The following CHSY3 variants were observed in gnomAD, a reference collection of about 807,000 sequenced individuals.
CHSY3 encodes the protein chondroitin sulfate synthase 3, also known as N-acetylgalactosaminyl-proteoglycan 3-beta-glucuronosyltransferase 3.
CHSY3 carries 35 observed loss-of-function variants against 67.2 expected under a neutral mutation model. The ratio of observed to expected loss-of-function variants is 0.52; its 90% CI spans 0.40 to 0.69. The LOEUF (loss-of-function observed/expected upper bound fraction) is 0.69. Ranked by LOEUF, CHSY3 falls within the 30% of genes least tolerant of loss-of-function variation. The probability of loss-of-function intolerance (pLI) is 0.00; values close to 1 mark genes in which losing one functional copy is unlikely to be tolerated. For synonymous variants in CHSY3, 474 were observed against 434.7 expected, an observed-to-expected ratio of 1.09 and a Z score of -1.12; for missense variants, 1,069 against 1,138.5, an observed-to-expected ratio of 0.94 and a Z score of 0.88.
chr5:130,158,385 G>A (rs540516343), intron 2 of CHSY3, among the ~76,000 whole-genome samples: 10 of 152,150 alleles, frequency 6.6e-5, no homozygotes, highest in Admixed American at 2.0e-4. Context: ...GAAGAACAAT[G>A]GTAGAGGTGC....
intron 2 of CHSY3, among the ~76,000 whole-genome samples, chr5:130,122,164 T>C (rs1433078166): frequency 6.7e-6 from 1 of 149,310 alleles, no homozygotes; most frequent in Non-Finnish European, 1.5e-5. Context: ...AACAAATATA[T>C]ACATATATAC....
intron 2 of CHSY3, among the ~76,000 whole-genome samples, chr5:129,974,729 C>T (rs547609162): frequency 6.6e-6 from 1 of 152,180 alleles, no homozygotes; most frequent in African/African-American, 2.4e-5. Context: ...CAGCACAGCA[C>T]ATTGAAAATG....
chr5:130,010,982 A>G (rs186301695), intron 2 of CHSY3, among the ~76,000 whole-genome samples: 9 of 152,310 alleles, frequency 5.9e-5, no homozygotes, highest in Middle Eastern at 3.4e-3. Flanking sequence ...ATCAGTAACA[A>G]AACACCTACC....
chr5:129,904,782 T>TGCCGC lies in CHSY3; in HGVS notation c.-41_-37dup, dbSNP rs1211660831. The TGCCGC allele has an allele frequency of 5.3e-5, 70 of 1,311,578 alleles. No homozygotes were observed. Among genetic ancestry groups the TGCCGC allele is most frequent in the South Asian group, 4.6e-4 (21 of 45,894 alleles). 81.2% of individuals were successfully genotyped at this position (1,311,578 alleles called of 1,614,324 possible). A position where few individuals can be genotyped will look rare whatever the true frequency, so the allele number is the denominator to read the frequency against. On this transcript the variant is annotated 5_prime_UTR_variant, in exon 1 of 3. Transcript: ENST00000305031. ...GCGGGTGTGAGCCGGGGAAACCGCG[T>TGCCGC]GCCGCGCCGCGACAGCCCAGCGAGC...
intron 1 of CHSY3, among the ~76,000 whole-genome samples, chr5:129,907,638 G>C (rs1760361923): frequency 1.3e-5 from 2 of 152,034 alleles, no homozygotes; most frequent in South Asian, 4.2e-4. Context: ...TTTAGTTAAT[G>C]GCAAAACACT....
chr5:130,021,082 TA>T (rs1223103360), intron 2 of CHSY3, among the ~76,000 whole-genome samples: 2 of 152,192 alleles, frequency 1.3e-5, no homozygotes, highest in African/African-American at 4.8e-5. Flanking sequence ...GACCTCTGTT[TA>T]TTTGATGTTA....
chr5:129,955,882 T>A (rs1762156412), intron 2 of CHSY3, among the ~76,000 whole-genome samples: 1 of 152,200 alleles, frequency 6.6e-6, no homozygotes, highest in Non-Finnish European at 1.5e-5. Flanking sequence ...GTTCTTTTGT[T>A]ATGGCTGCAT....
chr5:130,179,102 C>T (rs974568158), intron 2 of CHSY3, among the ~76,000 whole-genome samples: 10 of 152,194 alleles, frequency 6.6e-5, no homozygotes, highest in African/African-American at 1.7e-4. Context: ...TTACTGTCCT[C>T]ATTGAGTTCA....
chr5:130,109,454 TGTAA>T (rs1360463961), intron 2 of CHSY3, among the ~76,000 whole-genome samples: 1 of 151,678 alleles, frequency 6.6e-6, no homozygotes. Context: ...ACTAAAATGT[TGTAA>T]GTAAGAGAAA....
At chr5:129,906,327 C>G (rs879374478) in intron 1 of CHSY3, among the ~76,000 whole-genome samples, 9 of 152,192 alleles carry the variant, frequency 5.9e-5, no homozygotes, top group Non-Finnish European at 1.2e-4. Context: ...CAATAAAACC[C>G]TGAGAGGATG....
At chr5:130,132,769 T>A (rs6595937) in intron 2 of CHSY3, among the ~76,000 whole-genome samples, 87,280 of 151,934 alleles carry the variant, frequency 0.57, 25,831 homozygotes, top group African/African-American at 0.7. Context: ...ATTGGGGGAC[T>A]CCTAGTCAGT....
intron 2 of CHSY3, among the ~76,000 whole-genome samples, chr5:129,929,557 T>G (rs531284527): frequency 1.6e-4 from 24 of 152,270 alleles, no homozygotes; most frequent in African/African-American, 5.5e-4. Context: ...CTTGTTCTGG[T>G]GATTAGTGTA....
intron 2 of CHSY3, among the ~76,000 whole-genome samples, chr5:130,087,358 T>C (rs971888662): frequency 5.1e-4 from 78 of 152,282 alleles, no homozygotes; most frequent in African/African-American, 1.9e-3. Flanking sequence ...CTGTTGGAAG[T>C]TCTGGCCAGG....
intron 2 of CHSY3, among the ~76,000 whole-genome samples, chr5:129,917,743 G>A (rs1187052750): frequency 1.3e-5 from 2 of 152,160 alleles, no homozygotes; most frequent in African/African-American, 4.8e-5. Flanking sequence ...CTGTAATAGG[G>A]AAGGTGTTCA....
At chr5:130,041,150 C>A (rs955742026) in intron 2 of CHSY3, among the ~76,000 whole-genome samples, 2 of 151,952 alleles carry the variant, frequency 1.3e-5, no homozygotes, top group Non-Finnish European at 2.9e-5. Context: ...AATTGTCTTA[C>A]CCCCCAAAAA....
At chr5:129,933,233 C>T (rs964870646) in intron 2 of CHSY3, among the ~76,000 whole-genome samples, 2 of 152,000 alleles carry the variant, frequency 1.3e-5, no homozygotes, top group African/African-American at 4.8e-5. Context: ...GCCTGGATGG[C>T]CACAAAGAAA....
chr5:130,061,078 A>G (rs1272824023), intron 2 of CHSY3, among the ~76,000 whole-genome samples: 1 of 152,162 alleles, frequency 6.6e-6, no homozygotes, highest in Non-Finnish European at 1.5e-5. Flanking sequence ...GTTCATATGG[A>G]ACCAGAAAAG....
intron 2 of CHSY3, among the ~76,000 whole-genome samples, chr5:130,109,169 C>A (rs1463086229): frequency 6.6e-6 from 1 of 151,586 alleles, no homozygotes; most frequent in Non-Finnish European, 1.5e-5. Flanking sequence ...ACTTTAAAAC[C>A]GTTAATATAT....
chr5:129,984,540 C>A (rs752402009), intron 2 of CHSY3, among the ~76,000 whole-genome samples: 1 of 152,100 alleles, frequency 6.6e-6, no homozygotes, highest in Non-Finnish European at 1.5e-5. Context: ...AGTATATGCC[C>A]CGCAATGGGA....
Sources: allele counts gnomAD v4.1 joint callset (sites outside exome capture counted in the v4.1 genomes callset), GRCh38; gene constraint gnomAD v4.1.1; transcripts MANE v1.5; gene names NCBI Gene and HGNC (gene_info 2026-07-23, HGNC 2026-07-21).